The following CCSER1 variants were observed in gnomAD, a reference collection of about 807,000 sequenced individuals.
CCSER1 encodes the protein serine-rich coiled-coil domain-containing protein 1.
In CCSER1, 41 loss-of-function variants were observed where a neutral mutation model predicts 82.0. That is an observed-to-expected ratio of 0.50 (90% CI 0.39 to 0.65). The LOEUF (loss-of-function observed/expected upper bound fraction) is 0.65. CCSER1 is among the 30% of genes least tolerant of loss of function. The probability of loss-of-function intolerance (pLI) is 0.00; values close to 1 mark genes in which losing one functional copy is unlikely to be tolerated. For missense variants in CCSER1, 1,119 were observed against 1,064.2 expected (o/e 1.05, Z -0.72); for synonymous variants, 414 against 383.9 (o/e 1.08, Z -0.92).
chr4:91,358,115 C>A (rs1748979439), intron 10 of CCSER1, among the ~76,000 whole-genome samples: 1 of 151,932 alleles, frequency 6.6e-6, no homozygotes, highest in Non-Finnish European at 1.5e-5. Flanking sequence ...GTTTAGATGG[C>A]CTTTTTTTCT....
intron 10 of CCSER1, among the ~76,000 whole-genome samples, chr4:91,545,354 G>A (rs1012629983): frequency 1.3e-5 from 2 of 152,090 alleles, no homozygotes; most frequent in African/African-American, 4.8e-5. Context: ...CCAGTGAGAT[G>A]AAACAGGTAC....
intron 10 of CCSER1, among the ~76,000 whole-genome samples, chr4:91,267,229 A>G (rs1021226523): frequency 2.0e-5 from 3 of 151,920 alleles, no homozygotes; most frequent in African/African-American, 7.3e-5. Flanking sequence ...ATATTTCTAT[A>G]TGTCAGGTGT....
chr4:90,988,596 A>G (rs905601461), intron 9 of CCSER1, among the ~76,000 whole-genome samples: 5 of 151,676 alleles, frequency 3.3e-5, no homozygotes, highest in African/African-American at 9.7e-5. Context: ...TCTAAAATTT[A>G]TGTGTCTGTG....
chr4:90,211,461 A>T (rs1431026), intron 1 of CCSER1, among the ~76,000 whole-genome samples: 99,490 of 152,124 alleles, frequency 0.65, 35,034 homozygotes, highest in African/African-American at 0.91. Context: ...TCACAGGTAT[A>T]TAGGAAAAGG....
At chr4:90,257,081 A>G (rs1297679089) in intron 1 of CCSER1, among the ~76,000 whole-genome samples, 1 of 152,050 alleles carries the variant, frequency 6.6e-6, no homozygotes, top group Admixed American at 6.6e-5. Context: ...GGATTGCTAT[A>G]TTCACTGTTA....
chr4:90,457,332 C>T (rs1458349489), intron 4 of CCSER1, among the ~76,000 whole-genome samples: 1 of 152,160 alleles, frequency 6.6e-6, no homozygotes, highest in African/African-American at 2.4e-5. Flanking sequence ...TCTTTTCTCT[C>T]TTTTTTCTTC....
intron 1 of CCSER1, among the ~76,000 whole-genome samples, chr4:90,183,518 A>G (rs1734061669): frequency 6.6e-6 from 1 of 152,116 alleles, no homozygotes; most frequent in Non-Finnish European, 1.5e-5. Context: ...AAGGGCTATC[A>G]GTGCTGCTCT....
chr4:91,185,303 G>A (rs1734418062), intron 10 of CCSER1, among the ~76,000 whole-genome samples: 1 of 152,156 alleles, frequency 6.6e-6, no homozygotes, highest in South Asian at 2.1e-4. Context: ...CTGCTTTCCA[G>A]GGAACAGAAG....
rs545082187 is a variant in CCSER1 at position 90,394,687 on chromosome 4, G to T, written c.1510-5349G>T. ...ATTCTTTCCAGTGTGTAATTAAAAT[G>T]CCCAGTGTAATATATCAATTTATCT... is the stretch of plus-strand genomic sequence containing the variant. On this transcript the variant is annotated intron_variant, in intron 3 of 10. Coordinates refer to ENST00000509176, the MANE Select transcript of CCSER1 (RefSeq NM_001145065.2). 3.9e-5 allele frequency among the ~76,000 whole-genome samples: 6 copies of T among 151,988 alleles called. No individual in the cohort carries two copies. In the South Asian group the frequency reaches 1.3e-3, roughly 32 times the overall value.
chr4:90,962,021 T>A (rs1734099655), intron 9 of CCSER1, among the ~76,000 whole-genome samples: 1 of 152,116 alleles, frequency 6.6e-6, no homozygotes, highest in South Asian at 2.1e-4. Context: ...CATTGAGCAC[T>A]TTTTCTATGT....
chr4:90,993,584 A>C (rs955709267), intron 9 of CCSER1, among the ~76,000 whole-genome samples: 1 of 152,100 alleles, frequency 6.6e-6, no homozygotes, highest in Non-Finnish European at 1.5e-5. Flanking sequence ...CTTAAACAAC[A>C]AACATTTAAT....
intron 5 of CCSER1, among the ~76,000 whole-genome samples, chr4:90,624,018 G>T (rs60548151): frequency 6.6e-6 from 1 of 152,148 alleles, no homozygotes; most frequent in Middle Eastern, 3.2e-3. Flanking sequence ...GTTTTTAAAA[G>T]TTATTATTTT....
chr4:91,224,767 T>C (rs1172228094), intron 10 of CCSER1, among the ~76,000 whole-genome samples: 8 of 152,118 alleles, frequency 5.3e-5, no homozygotes, highest in South Asian at 4.1e-4. Flanking sequence ...CATGAGAATA[T>C]TTCCTTTCCA....
At chr4:90,337,757 T>A in intron 3 of CCSER1, among the ~76,000 whole-genome samples, 1 of 152,134 alleles carries the variant, frequency 6.6e-6, no homozygotes, top group Non-Finnish European at 1.5e-5. Flanking sequence ...AAGTAAGCTA[T>A]TTTCAGATAA....
chr4:90,349,618 C>A (rs1388233884), intron 3 of CCSER1, among the ~76,000 whole-genome samples: 1 of 151,922 alleles, frequency 6.6e-6, no homozygotes, highest in African/African-American at 2.4e-5. Context: ...CCTTGTTTGT[C>A]ACGTATTTCA....
chr4:91,168,427 C>G (rs1323757549), intron 10 of CCSER1, among the ~76,000 whole-genome samples: 1 of 145,666 alleles, frequency 6.9e-6, no homozygotes, highest in Non-Finnish European at 1.5e-5. Context: ...TGGGGAGTGC[C>G]TCTGCCCGGC....
chr4:91,245,667 A>G (rs1478784353), intron 10 of CCSER1, among the ~76,000 whole-genome samples: 1 of 152,160 alleles, frequency 6.6e-6, no homozygotes, highest in African/African-American at 2.4e-5. Context: ...AATCTGAAAG[A>G]AAACTATATA....
intron 7 of CCSER1, among the ~76,000 whole-genome samples, chr4:90,807,129 G>C (rs1266018580): frequency 6.6e-6 from 1 of 152,034 alleles, no homozygotes; most frequent in Non-Finnish European, 1.5e-5. Context: ...TAAGTAACTA[G>C]CACAGAACTA....
intron 5 of CCSER1, among the ~76,000 whole-genome samples, chr4:90,571,537 T>C (rs1560739600): frequency 6.6e-6 from 1 of 152,124 alleles, no homozygotes; most frequent in Non-Finnish European, 1.5e-5. Context: ...AAGTGGGACT[T>C]AAACCTTAGG....
Sources: allele counts gnomAD v4.1 joint callset (sites outside exome capture counted in the v4.1 genomes callset), GRCh38; gene constraint gnomAD v4.1.1; transcripts MANE v1.5; gene names NCBI Gene and HGNC (gene_info 2026-07-23, HGNC 2026-07-21).